Variants in ZNF451 observed in about 807,000 individuals in gnomAD.
The protein encoded by ZNF451 is zinc finger protein 451, also known as E3 SUMO-protein ligase ZNF451.
ZNF451 carries 80 observed loss-of-function variants against 107.1 expected under a neutral mutation model. The observed-to-expected ratio is 0.75, with a 90% CI of 0.62 to 0.90. The LOEUF is 0.90. ZNF451 is among the 40% of genes least tolerant of loss of function. The pLI is 0.00. For missense variants in ZNF451, 1,107 were observed against 1,236.2 expected, an observed-to-expected ratio of 0.90 and a Z score of 1.57; for synonymous variants, 362 against 406.5, an observed-to-expected ratio of 0.89 and a Z score of 1.32.
chr6:57,106,210 T>A (rs969736474), intron 3 of ZNF451: 8 of 985,320 alleles, frequency 8.1e-6, no homozygotes, highest in Non-Finnish European at 9.6e-6. Context: ...CATTCATTAT[T>A]CTTGAAGATA....
At chr6:57,124,114 A>G (rs1454969159) in intron 3 of ZNF451, among the ~76,000 whole-genome samples, 1 of 152,170 alleles carries the variant, frequency 6.6e-6, no homozygotes, top group Non-Finnish European at 1.5e-5. Context: ...TCATCATTAA[A>G]TGTGTTGTTA....
At chr6:57,166,801 A>G (rs550970913) in intron 14 of ZNF451, among the ~76,000 whole-genome samples, 1 of 152,380 alleles carries the variant, frequency 6.6e-6, no homozygotes, top group South Asian at 2.1e-4. Flanking sequence ...CATGAGTAAT[A>G]TGTTGCACTG....
intron 11 of ZNF451, 138 bp downstream of exon 11, chr6:57,151,000 C>T (rs908752337): frequency 6.7e-6 from 7 of 1,037,730 alleles, no homozygotes; most frequent in Non-Finnish European, 8.3e-6. Flanking sequence ...ATTATAGTTA[C>T]TCTGCTAGAA....
chr6:57,138,775 GTA>G lies in ZNF451; in HGVS notation c.703-2514_703-2513del, dbSNP rs1224868487. Among the ~76,000 whole-genome samples the G allele has an allele frequency of 3.4e-3, 360 of 106,114 alleles. 4 individuals carry two copies. Among genetic ancestry groups the G allele is most frequent in the South Asian group, 7.4e-3 (23 of 3,114 alleles). 69.6% of individuals were successfully genotyped at this position (106,114 alleles called of 152,430 possible). A position where few individuals can be genotyped will look rare whatever the true frequency, so the allele number is the denominator to read the frequency against. On this transcript the variant is annotated intron_variant, in intron 7 of 14. Transcript: ENST00000370706. ...TGTGTGTGTGTGTGTGTGTGTGTGT[GTA>G]TATATATATATAAAATTTTTTTTTT...
Position 57,106,359 on chromosome 6 carries a change from G to C in ZNF451, c.186+7218G>C, listed in dbSNP as rs1829858697. On this transcript the variant is annotated intron_variant, in intron 3 of 14. Transcript: ENST00000370706. ...AGTTTCGCTCTTGTTGCCCAGGCTG[G>C]AGTGCAATGGCACGATCTTGGCTGA... 4.3e-6 allele frequency: 4 copies of C among 939,364 alleles called. No homozygotes were observed. The South Asian group carries it at 2.0e-4, about 46-fold the overall frequency. The allele number at this position is 939,364 out of a possible 1,614,324, so 58.2% of individuals were successfully genotyped here.
chr6:57,111,568 A>G (rs1050136445), intron 3 of ZNF451, among the ~76,000 whole-genome samples: 1 of 151,982 alleles, frequency 6.6e-6, no homozygotes, highest in African/African-American at 2.4e-5. Flanking sequence ...TTTAGTAGAT[A>G]CAAGATTTCA....
Position 57,124,755 on chromosome 6 carries a change from C to A in ZNF451, c.208C>A (p.His70Asn). ...YTDENIKRKD[H>N]IDYQKDKVAL... ...ATAGGAGAATATTAAACGTAAAGAC[C>A]ATATTGATTATCAGAAGGATAAAGT... Residue 70 changes from histidine to asparagine, a missense_variant, in exon 4 of 15, where the codon CAT becomes AAT. By Grantham distance (68) the His-to-Asn change is moderately conservative. This residue lies in a region of ZNF451 where 339 missense variants were observed against 372.8 expected (regional missense o/e 0.91). Coordinates refer to ENST00000370706, the MANE Select transcript of ZNF451 (RefSeq NM_001031623.3). 1 of 1,592,870 alleles carries A rather than the reference C, an allele frequency of 6.3e-7. No individual in the cohort carries two copies. The highest frequency in any genetic ancestry group is 1.1e-5 in the South Asian group (1 of 90,110).
chr6:57,107,127 G>A (rs1478329821), intron 3 of ZNF451: 1 of 985,140 alleles, frequency 1.0e-6, no homozygotes, highest in African/African-American at 1.7e-5. Context: ...GCTTCCTGTG[G>A]GATATATCTG....
In ZNF451 at chr6:57,138,741, ATG is replaced by A. The variant is rs1185366526; in HGVS notation, c.703-2527_703-2526del. ...TATATATATATATATATATATATAT[ATG>A]TGTGTGTGTGTGTGTGTGTGTGTGT... is the stretch of plus-strand genomic sequence containing the variant. On this transcript the variant is annotated intron_variant, in intron 7 of 14. Coordinates refer to ENST00000370706, the MANE Select transcript of ZNF451 (RefSeq NM_001031623.3). 2.6e-3 allele frequency among the ~76,000 whole-genome samples: 123 copies of A among 46,582 alleles called. 1 individual carries two copies. Among genetic ancestry groups the A allele is most frequent in the East Asian group, 6.6e-3 (10 of 1,512 alleles). 30.6% of individuals were successfully genotyped at this position (46,582 alleles called of 152,430 possible).
At chr6:57,141,572 A>G in intron 8 of ZNF451, 117 bp downstream of exon 8, 1 of 964,960 alleles carries the variant, frequency 1.0e-6, no homozygotes, top group Non-Finnish European at 1.5e-6. Context: ...GAACTATGAA[A>G]GTAAAAGATT....
Position 57,147,309 on chromosome 6 carries a change from C to G in ZNF451, c.1224C>G (p.Asn408Lys), listed in dbSNP as rs1246914708. Residue 408 changes from asparagine (N) to lysine (K), a missense_variant, in exon 10 of 15, where the codon AAC becomes AAG. This residue lies in a region of ZNF451 where 608 missense variants were observed against 649.2 expected (regional missense o/e 0.94). Coordinates refer to ENST00000370706, the MANE Select transcript of ZNF451 (RefSeq NM_001031623.3). ...TCTATTGCCACAGCAGCGAAGGGAACAAGGATCCTTCTTCTGACTTGCATT... is the reference window on the plus strand; with the variant it reads ...TCTATTGCCACAGCAGCGAAGGGAAGAAGGATCCTTCTTCTGACTTGCATT... ...VLLYCHSSEG[N>K]KDPSSDLHLL... 6.2e-7 allele frequency: 1 copy of G among 1,614,102 alleles called. No individual in the cohort carries two copies. Among genetic ancestry groups the G allele is most frequent in the Non-Finnish European group, 8.5e-7 (1 of 1,179,982 alleles).
intron 13 of ZNF451, chr6:57,159,401 T>C: frequency 1.0e-6 from 1 of 985,412 alleles, no homozygotes; most frequent in Non-Finnish European, 1.2e-6. Context: ...GTGGGTATTT[T>C]CCTTTTGTTC....
chr6:57,115,183 G>T (rs1830307378), intron 3 of ZNF451: 1 of 152,126 alleles, frequency 6.6e-6, no homozygotes, highest in Non-Finnish European at 1.5e-5. Flanking sequence ...TTGCTTAAAA[G>T]TGAGCTCAGG....
intron 3 of ZNF451, chr6:57,108,932 A>G (rs1386585404): frequency 7.1e-6 from 7 of 985,300 alleles, no homozygotes; most frequent in East Asian, 1.1e-4. Context: ...TCCAGTCTCA[A>G]TTCAGCATTA....
intron 3 of ZNF451, among the ~76,000 whole-genome samples, chr6:57,122,132 A>G (rs1830669606): frequency 6.6e-6 from 1 of 152,166 alleles, no homozygotes; most frequent in African/African-American, 2.4e-5. Context: ...TAAACAATCG[A>G]GAAAGGATAC....
At chr6:57,165,223 T>TA (rs1214672607) in intron 14 of ZNF451, 1 of 152,246 alleles carries the variant, frequency 6.6e-6, no homozygotes, top group African/African-American at 2.4e-5. Context: ...TGGGTCTCTT[T>TA]AGAGTTCATT....
chr6:57,105,639 A>G, intron 3 of ZNF451: 1 of 985,332 alleles, frequency 1.0e-6, no homozygotes, highest in East Asian at 1.1e-4. Flanking sequence ...CCTTTTTGTT[A>G]TTAGTGAGTG....
intron 2 of ZNF451, 89 bp from the exon 3 acceptor site, chr6:57,098,972 G>C (rs1829456013): frequency 1.0e-6 from 1 of 978,650 alleles, no homozygotes; most frequent in African/African-American, 1.6e-5. Flanking sequence ...ATTCTTGCCA[G>C]TCCCAACCAA....
Position 57,145,733 on chromosome 6 carries a change from G to A in ZNF451, c.1005-1357G>A, listed in dbSNP as rs946049828. On this transcript the variant is annotated intron_variant, in intron 9 of 14. Transcript: ENST00000370706. ...ACTTAGGTTGATTCCATTCATTATCGCTATTGTCAATAGTGCTGCGGTAAA... is the reference window on the plus strand; with the variant it reads ...ACTTAGGTTGATTCCATTCATTATCACTATTGTCAATAGTGCTGCGGTAAA... Among the ~76,000 whole-genome samples the A allele has an allele frequency of 3.3e-5, 5 of 151,784 alleles. No individual in the cohort carries two copies. In the East Asian group the frequency reaches 9.6e-4, roughly 29 times the overall value.
Sources: allele counts gnomAD v4.1 joint callset (sites outside exome capture counted in the v4.1 genomes callset), GRCh38; gene constraint gnomAD v4.1.1; regional missense constraint gnomAD v4.1.1; transcripts MANE v1.5; gene names NCBI Gene and HGNC (gene_info 2026-07-23, HGNC 2026-07-21).